Variants in IFT43 observed in about 807,000 individuals in gnomAD.
The protein encoded by IFT43 is intraflagellar transport 43, also known as intraflagellar transport protein 43 homolog.
IFT43 carries 33 observed loss-of-function variants against 32.3 expected under a neutral mutation model. The observed-to-expected ratio is 1.02, with a 90% CI of 0.77 to 1.37. IFT43 has a LOEUF of 1.37. IFT43 is among the 40% of genes most tolerant of loss of function. The probability of loss-of-function intolerance (pLI) is 0.00; values close to 1 mark genes in which losing one functional copy is unlikely to be tolerated. For synonymous variants in IFT43, 93 were observed against 98.2 expected (o/e 0.95, Z 0.31); for missense variants, 274 against 265.9 (o/e 1.03, Z -0.21).
At chr14:76,080,703 C>G (rs958037422) in intron 5 of IFT43, among the ~76,000 whole-genome samples, 1 of 152,182 alleles carries the variant, frequency 6.6e-6, no homozygotes, top group East Asian at 1.9e-4. Flanking sequence ...TCTTACCAGC[C>G]TGGGGAACGG....
intron 3 of IFT43, among the ~76,000 whole-genome samples, chr14:76,023,456 C>A (rs2036332137): frequency 6.6e-6 from 1 of 152,162 alleles, no homozygotes; most frequent in Non-Finnish European, 1.5e-5. Context: ...CTCTGGTCTC[C>A]ATTTCTGTAT....
At chr14:76,017,951 T>G (rs2036220159) in intron 2 of IFT43, among the ~76,000 whole-genome samples, 1 of 152,068 alleles carries the variant, frequency 6.6e-6, no homozygotes. Flanking sequence ...TTTTTCTTGG[T>G]TGGTCTAGCT....
chr14:76,053,426 G>A (rs953690027), intron 3 of IFT43, among the ~76,000 whole-genome samples: 3 of 152,168 alleles, frequency 2.0e-5, no homozygotes, highest in African/African-American at 7.2e-5. Flanking sequence ...ACGGGACTGG[G>A]TGAGTGTGGA....
intron 2 of IFT43, among the ~76,000 whole-genome samples, chr14:75,998,131 G>A (rs1309723496): frequency 2.0e-5 from 3 of 152,134 alleles, no homozygotes; most frequent in African/African-American, 7.2e-5. Context: ...TTCAATCACA[G>A]TTTGTAATCA....
intron 2 of IFT43, 33 bp from the exon 3 acceptor site, chr14:76,022,294 G>C: frequency 6.4e-7 from 1 of 1,570,648 alleles, no homozygotes; most frequent in African/African-American, 1.3e-5. Flanking sequence ...AATGTTGAGT[G>C]AATGTGTTCT....
At chr14:75,986,313 TC>T (rs1299887401) in intron 1 of IFT43, 1 of 1,241,700 alleles carries the variant, frequency 8.1e-7, no homozygotes, top group Non-Finnish European at 1.0e-6. Flanking sequence ...TTCCCGGTAA[TC>T]CCCGTGGGGA....
intron 2 of IFT43, among the ~76,000 whole-genome samples, chr14:75,997,429 C>A: frequency 6.6e-6 from 1 of 152,184 alleles, no homozygotes; most frequent in East Asian, 1.9e-4. Context: ...GTATTTTTAG[C>A]CTTGTCTTTT....
At chr14:76,032,559 T>G (rs1268767388) in intron 3 of IFT43, among the ~76,000 whole-genome samples, 1 of 152,292 alleles carries the variant, frequency 6.6e-6, no homozygotes, top group Non-Finnish European at 1.5e-5. Context: ...TGCATACATA[T>G]TCTCTTTTTC....
chr14:76,049,411 C>G (rs924083963), intron 3 of IFT43, among the ~76,000 whole-genome samples: 2 of 151,764 alleles, frequency 1.3e-5, no homozygotes, highest in African/African-American at 4.8e-5. Context: ...TTTTGACAAA[C>G]AGCAATGTCT....
chr14:75,991,354 A>G (rs2035634967), intron 2 of IFT43, among the ~76,000 whole-genome samples: 1 of 142,360 alleles, frequency 7.0e-6, no homozygotes, highest in African/African-American at 2.8e-5. Flanking sequence ...CAATAAGAGT[A>G]TATATTATAT....
chr14:76,012,390 T>G (rs2036102839), intron 2 of IFT43, among the ~76,000 whole-genome samples: 1 of 152,224 alleles, frequency 6.6e-6, no homozygotes, highest in African/African-American at 2.4e-5. Context: ...TATTGAATCC[T>G]AGCCCATTCG....
At chr14:76,009,391 A>G (rs577741986) in intron 2 of IFT43, among the ~76,000 whole-genome samples, 94 of 152,366 alleles carry the variant, frequency 6.2e-4, no homozygotes, top group African/African-American at 2.1e-3. Flanking sequence ...GGTGAAATAG[A>G]CATTGGATAT....
At chr14:75,997,303 A>G (rs1448283492) in intron 2 of IFT43, among the ~76,000 whole-genome samples, 1 of 152,144 alleles carries the variant, frequency 6.6e-6, no homozygotes, top group African/African-American at 2.4e-5. Context: ...TAAATGGACC[A>G]AGTGTTTGAA....
intron 5 of IFT43, among the ~76,000 whole-genome samples, chr14:76,071,853 C>G (rs1007386529): frequency 6.6e-6 from 1 of 152,012 alleles, no homozygotes; most frequent in African/African-American, 2.4e-5. Context: ...GCTGCTCCAG[C>G]ACACCACAGC....
At chr14:76,024,883 T>C (rs2036360958) in intron 3 of IFT43, among the ~76,000 whole-genome samples, 1 of 152,252 alleles carries the variant, frequency 6.6e-6, no homozygotes, top group African/African-American at 2.4e-5. Flanking sequence ...TGACAGAGAA[T>C]ATGATAATAA....
At chr14:76,078,025 A>G (rs2140092338) in intron 5 of IFT43, among the ~76,000 whole-genome samples, 1 of 152,380 alleles carries the variant, frequency 6.6e-6, no homozygotes, top group South Asian at 2.1e-4. Flanking sequence ...ATAGAATATT[A>G]GAAGGTCATT....
At chr14:76,041,116 A>G (rs17183866) in intron 3 of IFT43, among the ~76,000 whole-genome samples, 15,164 of 152,272 alleles carry the variant, frequency 0.1, 883 homozygotes, top group Middle Eastern at 0.16. Flanking sequence ...AAGTGAAGCT[A>G]CCCTTGACCT....
intron 3 of IFT43, among the ~76,000 whole-genome samples, chr14:76,037,380 C>G (rs1403570394): frequency 6.6e-6 from 1 of 152,178 alleles, no homozygotes; most frequent in Non-Finnish European, 1.5e-5. Context: ...TCAGACTCCC[C>G]TCTCATGGTT....
intron 3 of IFT43, among the ~76,000 whole-genome samples, chr14:76,056,790 C>T (rs1299471138): frequency 6.6e-6 from 1 of 152,198 alleles, no homozygotes; most frequent in African/African-American, 2.4e-5. Flanking sequence ...ACGGCGTGAA[C>T]TGGGAAGACA....
Sources: gnomAD v4.1 joint callset for allele counts (sites outside exome capture counted in the v4.1 genomes callset) on GRCh38, gnomAD v4.1.1 for gene constraint, MANE v1.5 for transcripts, NCBI Gene and HGNC (gene_info 2026-07-23, HGNC 2026-07-21) for gene names.